The following NCAPG variants were observed in gnomAD, a reference collection of about 807,000 sequenced individuals.
The protein encoded by NCAPG is condensin complex subunit 3.
A neutral mutation model predicts 113.1 loss-of-function variants in NCAPG; 69 were observed. The observed-to-expected ratio is 0.61, with a 90% CI of 0.50 to 0.75. The LOEUF is 0.75. Ranked by LOEUF, NCAPG falls within the 30% of genes least tolerant of loss-of-function variation. The pLI, the probability that NCAPG is intolerant of heterozygous loss-of-function variation, is 0.00. For missense variants in NCAPG, 1,058 were observed against 1,177.0 expected, an observed-to-expected ratio of 0.90 and a Z score of 1.48; for synonymous variants, 370 against 415.8, an observed-to-expected ratio of 0.89 and a Z score of 1.34.
At chr4:17,828,060 C>G (rs552692059) in intron 11 of NCAPG, among the ~76,000 whole-genome samples, 13 of 152,182 alleles carry the variant, frequency 8.5e-5, no homozygotes, top group Admixed American at 7.2e-4. Flanking sequence ...CTTGGCCCCC[C>G]AAAGTGCTAG....
Position 17,812,209 on chromosome 4 carries a change from TTTGTC to T in NCAPG, c.112-9_112-5del. On this transcript the variant is annotated splice_polypyrimidine_tract_variant and splice_region_variant and intron_variant, in intron 1 of 20. Transcript: ENST00000251496. ...TCGGTGCAGTTTATGAAGGGTTTCTTTTGTCTTTCAGATGGATGATAAGACAGTTT... is the reference window on the plus strand; with the variant it reads ...TCGGTGCAGTTTATGAAGGGTTTCTTTTTCAGATGGATGATAAGACAGTTT... The T allele has an allele frequency of 6.2e-7, 1 of 1,608,248 alleles. No homozygotes were observed. The highest frequency in any genetic ancestry group is 8.5e-7 in the Non-Finnish European group (1 of 1,176,090).
chr4:17,812,107 A>G (rs1720999110), intron 1 of NCAPG, 114 bp from the exon 2 acceptor site: 1 of 790,642 alleles, frequency 1.3e-6, no homozygotes, highest in Non-Finnish European at 2.0e-6. Context: ...TACTAAATAA[A>G]TATTTTAATT....
chr4:17,829,234 G>C (rs1290013759), intron 12 of NCAPG, among the ~76,000 whole-genome samples: 2 of 152,150 alleles, frequency 1.3e-5, no homozygotes, highest in African/African-American at 4.8e-5. Flanking sequence ...AGCAAATTCT[G>C]TATGTAGCCA....
At chr4:17,831,291 A>G (rs1721862003) in intron 13 of NCAPG, among the ~76,000 whole-genome samples, 175 bp downstream of exon 13, 1 of 152,214 alleles carries the variant, frequency 6.6e-6, no homozygotes, top group Admixed American at 6.5e-5. Context: ...CTTTGTAGAA[A>G]AAGATGAAAC....
rs1721063546 is a variant in NCAPG, at chr4:17,813,089, T to C, written c.488T>C (p.Val163Ala). The C allele has an allele frequency of 3.1e-6, 5 of 1,614,102 alleles. No individual in the cohort carries two copies. The highest frequency in any genetic ancestry group is 4.2e-6 in the Non-Finnish European group (5 of 1,179,954). Reference protein sequence around the residue: ...DKIPNVRIQAVLALSRLQDPK... With the variant: ...DKIPNVRIQAALALSRLQDPK... Reference sequence around the variant, plus strand: ...ATTCCAAATGTGAGAATACAGGCAGTTCTGGCGCTTTCACGACTTCAGGAT... The same window carrying C: ...ATTCCAAATGTGAGAATACAGGCAGCTCTGGCGCTTTCACGACTTCAGGAT... The change falls in exon 3 of 21, where the codon GTT becomes GCT. Residue 163 changes from valine (V) to alanine (A), a missense_variant. Val to Ala is a moderately conservative substitution (Grantham distance 64). Transcript: ENST00000251496.
rs1721159956 is a variant in NCAPG, at chr4:17,815,369, C to T, written c.775+11C>T. 3 of 1,568,940 alleles carry T rather than the reference C, an allele frequency of 1.9e-6. No homozygotes were observed. Among genetic ancestry groups the T allele is most frequent in the Admixed American group, 2.1e-5 (1 of 47,946 alleles). ...TTAATGACAGATCAGGTAAGATAAA[C>T]AACTTTATATATACAAAACTTTAGT... is the stretch of plus-strand genomic sequence containing the variant. On this transcript the variant is annotated intron_variant, in intron 5 of 20. Transcript: ENST00000251496.
intron 4 of NCAPG, 114 bp from the exon 5 acceptor site, chr4:17,815,160 A>G: frequency 8.1e-7 from 1 of 1,228,878 alleles, no homozygotes; most frequent in Non-Finnish European, 1.1e-6. Context: ...TAAGTATGTT[A>G]CCAGGTATTA....
intron 7 of NCAPG, among the ~76,000 whole-genome samples, chr4:17,821,774 A>G (rs1376761559): frequency 6.6e-6 from 1 of 151,740 alleles, no homozygotes; most frequent in African/African-American, 2.4e-5. Context: ...GACATTTTTG[A>G]CATTTTTTAA....
rs898293703 is a variant in NCAPG at position 17,843,541 on chromosome 4, C to T, written c.*116C>T. On this transcript the variant is annotated 3_prime_UTR_variant, in exon 21 of 21. Transcript: ENST00000251496. ...CTGATGTCTTTCTGAAGATTTTCTG[C>T]TGTGCGCTTCCACGTTACTTTGGCC... 3.4e-6 allele frequency: 4 copies of T among 1,172,966 alleles called. No homozygotes were observed. The highest frequency in any genetic ancestry group is 4.9e-5 in the East Asian group (2 of 40,766). 72.7% of individuals were successfully genotyped at this position (1,172,966 alleles called of 1,614,324 possible). A position where few individuals can be genotyped will look rare whatever the true frequency, so the allele number is the denominator to read the frequency against.
chr4:17,844,456 A>ATC lies in NCAPG; in HGVS notation c.*1031_*1032insTC, dbSNP rs1722730006. 6.6e-6 allele frequency: 1 copy of ATC among 152,444 alleles called. No individual in the cohort carries two copies. The highest frequency in any genetic ancestry group is 1.5e-5 in the Non-Finnish European group (1 of 67,868). 9.4% of individuals were successfully genotyped at this position (152,444 alleles called of 1,614,324 possible). ...GAAATTTTAAGATGGAGCTAAAGTA[A>ATC]GATCACTGGTTTTTAGAACCAAATT... On this transcript the variant is annotated 3_prime_UTR_variant, in exon 21 of 21. Transcript: ENST00000251496.
Position 17,811,208 on chromosome 4 carries a change from G to GCCGCCGCCTCTCGC in NCAPG, c.111+26_111+39dup. 7.0e-7 allele frequency: 1 copy of GCCGCCGCCTCTCGC among 1,427,520 alleles called. No individual in the cohort carries two copies. Among genetic ancestry groups the GCCGCCGCCTCTCGC allele is most frequent in the Non-Finnish European group, 9.3e-7 (1 of 1,076,542 alleles). The allele number at this position is 1,427,520 out of a possible 1,614,324, so 88.4% of individuals were successfully genotyped here. On this transcript the variant is annotated intron_variant, in intron 1 of 20. Transcript: ENST00000251496. This position sits in a 1 kb window ranked among gnomAD's most constrained non-coding sequence, Gnocchi z 5.3. ...CGCACGGTAAGCGCTCCCGGCCCCG[G>GCCGCCGCCTCTCGC]CCGCCGCCTCTCGCCCGCCCCGGCC...
chr4:17,816,703 T>C (rs1227052994), intron 5 of NCAPG, among the ~76,000 whole-genome samples: 3 of 152,226 alleles, frequency 2.0e-5, no homozygotes, highest in Non-Finnish European at 4.4e-5. Context: ...CTGAAGCCCA[T>C]TGAACCCAGG....
intron 5 of NCAPG, among the ~76,000 whole-genome samples, chr4:17,816,551 A>G (rs1302769495): frequency 6.6e-6 from 1 of 152,256 alleles, no homozygotes; most frequent in African/African-American, 2.4e-5. Flanking sequence ...AGGACTAATT[A>G]GTAGGATGAC....
intron 20 of NCAPG, chr4:17,842,790 C>CTGTT (rs138435077): frequency 0.04 from 6,663 of 168,468 alleles, 429 homozygotes; most frequent in African/African-American, 0.15. Flanking sequence ...AGTCAAGCCA[C>CTGTT]TGTTAGAGCT....
intron 9 of NCAPG, 126 bp downstream of exon 9, chr4:17,823,896 A>G: frequency 2.8e-6 from 2 of 703,474 alleles, no homozygotes; most frequent in East Asian, 5.9e-5. Flanking sequence ...AATGAGTTTT[A>G]AAATTTCTTA....
At chr4:17,836,350 A>T (rs1203737763) in intron 14 of NCAPG, among the ~76,000 whole-genome samples, 1 of 152,120 alleles carries the variant, frequency 6.6e-6, no homozygotes, top group Non-Finnish European at 1.5e-5. Flanking sequence ...TGGGTAGTAG[A>T]TCCTTATCAG....
chr4:17,834,216 CAA>C, intron 13 of NCAPG, 81 bp from the exon 14 acceptor site: 2 of 882,254 alleles, frequency 2.3e-6, no homozygotes, highest in Non-Finnish European at 3.3e-6. Flanking sequence ...AAGAAAAAAA[CAA>C]GATACATATT....
Position 17,837,322 on chromosome 4 carries a change from T to C in NCAPG, c.2273T>C (p.Val758Ala). ...CATTGCCTAGGCGTGTTCTTCCCCG[T>C]GTTTGCTTATGCAAGCAGGTATTGA... ...LRHCLGVFFPVFAYASRTNQE... is the reference protein window; with the variant it reads ...LRHCLGVFFPAFAYASRTNQE... The change falls in exon 15 of 21, where the codon GTG (valine) becomes GCG (alanine). Residue 758 changes from valine (V) to alanine (A), a missense_variant. Coordinates refer to ENST00000251496, the MANE Select transcript of NCAPG (RefSeq NM_022346.5). 1 of 1,613,234 alleles carries C rather than the reference T, an allele frequency of 6.2e-7. No individual in the cohort carries two copies.
rs1386413527 is a variant in NCAPG, at chr4:17,819,258, A to G, written c.1118+1170A>G. Among the ~76,000 whole-genome samples, 3 of 152,178 alleles carry G rather than the reference A, an allele frequency of 2.0e-5. No individual in the cohort carries two copies. In the East Asian group the frequency reaches 5.8e-4, roughly 29 times the overall value. Reference sequence around the variant, plus strand: ...GTTTCCATTTTTCACTGATAAAAGCAAAAGTATGTTAAATTTCCTTTACAT... The same window carrying G: ...GTTTCCATTTTTCACTGATAAAAGCGAAAGTATGTTAAATTTCCTTTACAT... On this transcript the variant is annotated intron_variant, in intron 7 of 20. Transcript: ENST00000251496.
Sources: gnomAD v4.1 joint callset for allele counts (sites outside exome capture counted in the v4.1 genomes callset) on GRCh38, gnomAD v4.1.1 for gene constraint, Gnocchi (gnomAD v3.1) non-coding constraint, MANE v1.5 for transcripts, NCBI Gene and HGNC (gene_info 2026-07-23, HGNC 2026-07-21) for gene names.